The following EPB41L2 variants were observed in gnomAD, a reference collection of about 807,000 sequenced individuals.
EPB41L2 encodes erythrocyte membrane protein band 4.1 like 2, also known as band 4.1-like protein 2.
EPB41L2 carries 43 observed loss-of-function variants against 113.0 expected under a neutral mutation model. That is an observed-to-expected ratio of 0.38 (90% CI 0.30 to 0.49). The LOEUF (loss-of-function observed/expected upper bound fraction) is 0.49. EPB41L2 is among the 20% of genes least tolerant of loss of function. EPB41L2 has a pLI of 0.95. For missense variants in EPB41L2, 1,147 were observed against 1,223.4 expected (o/e 0.94, Z 0.93); for synonymous variants, 442 against 436.7 (o/e 1.01, Z -0.15).
At chr6:130,987,939 C>A (rs1780960267) in intron 1 of EPB41L2, among the ~76,000 whole-genome samples, 1 of 151,528 alleles carries the variant, frequency 6.6e-6, no homozygotes, top group Non-Finnish European at 1.5e-5. Context: ...ATGGTGAGAT[C>A]CCTATCTCTA....
At chr6:130,970,896 T>C (rs898113673) in intron 1 of EPB41L2, among the ~76,000 whole-genome samples, 1 of 152,102 alleles carries the variant, frequency 6.6e-6, no homozygotes, top group Non-Finnish European at 1.5e-5. Context: ...ATTTTCTTAC[T>C]TATTTTCAGA....
At chr6:130,963,232 T>C (rs1774071213) in intron 1 of EPB41L2, among the ~76,000 whole-genome samples, 3 of 152,206 alleles carry the variant, frequency 2.0e-5, no homozygotes, top group Non-Finnish European at 4.4e-5. Flanking sequence ...CATCTTGATG[T>C]TGACTTCTGC....
chr6:130,994,112 C>T (rs1782526477), intron 1 of EPB41L2, among the ~76,000 whole-genome samples: 1 of 106,484 alleles, frequency 9.4e-6, no homozygotes, highest in South Asian at 2.8e-4. Flanking sequence ...CAAACCAACC[C>T]AGCAGGGAGT....
At chr6:131,013,020 T>G (rs757053565) in intron 1 of EPB41L2, among the ~76,000 whole-genome samples, 22 of 152,184 alleles carry the variant, frequency 1.4e-4, no homozygotes, top group Non-Finnish European at 2.9e-4. Flanking sequence ...ATCTTCTAAC[T>G]ACATGACACC....
chr6:131,001,084 A>T (rs1784261048), intron 1 of EPB41L2, among the ~76,000 whole-genome samples: 1 of 150,488 alleles, frequency 6.6e-6, no homozygotes, highest in African/African-American at 2.4e-5. Flanking sequence ...AGTATATTCC[A>T]ACTATACAAC....
At chr6:130,865,772 A>T (rs1295422829) in intron 16 of EPB41L2, 138 bp from the exon 17 acceptor site, 1 of 829,750 alleles carries the variant, frequency 1.2e-6, no homozygotes, top group Non-Finnish European at 1.9e-6. Context: ...ACCATCCAGG[A>T]GAGCGGCTGG....
intron 1 of EPB41L2, among the ~76,000 whole-genome samples, chr6:131,033,479 A>T (rs1283847466): frequency 4.6e-5 from 7 of 152,214 alleles, no homozygotes; most frequent in African/African-American, 1.7e-4. Flanking sequence ...ACCCAAATAG[A>T]TATTTGTGCA....
At position 130,870,121 on chromosome 6, in the gene EPB41L2, T is replaced by C; in HGVS notation, c.2049A>G (p.Ser683=). ...TPLSLQTQGS[S]HETLNIVEEK... Reference sequence around the variant, plus strand: ...CCTCCACTATATTCAGAGTCTCATGTGAACTCTGTACAAAAAAAGATGGAT... The same window carrying C: ...CCTCCACTATATTCAGAGTCTCATGCGAACTCTGTACAAAAAAAGATGGAT... Residue 683 remains serine (S), a synonymous_variant, in exon 15 of 20, where the codon TCA becomes TCG. Transcript: ENST00000337057. 1 of 1,600,764 alleles carries C rather than the reference T, an allele frequency of 6.2e-7. No homozygotes were observed. The highest frequency in any genetic ancestry group is 8.5e-7 in the Non-Finnish European group (1 of 1,173,044).
At chr6:130,915,044 C>CTT in intron 4 of EPB41L2, among the ~76,000 whole-genome samples, 1 of 152,316 alleles carries the variant, frequency 6.6e-6, no homozygotes, top group African/African-American at 2.4e-5. Context: ...TGGCTCACGC[C>CTT]TGTAATCCCA....
intron 3 of EPB41L2, among the ~76,000 whole-genome samples, chr6:130,949,426 C>CT (rs1562562288): frequency 6.6e-6 from 1 of 152,118 alleles, no homozygotes; most frequent in Non-Finnish European, 1.5e-5. Flanking sequence ...CAAAGCAAGA[C>CT]TTCATCTCTA....
chr6:130,941,725 G>A (rs1810961805), intron 3 of EPB41L2, among the ~76,000 whole-genome samples: 1 of 152,160 alleles, frequency 6.6e-6, no homozygotes, highest in Non-Finnish European at 1.5e-5. Context: ...CCAGACTGAT[G>A]CACAAAATCA....
chr6:131,032,637 G>T (rs1268195585), intron 1 of EPB41L2, among the ~76,000 whole-genome samples: 1 of 151,998 alleles, frequency 6.6e-6, no homozygotes, highest in Admixed American at 6.5e-5. Flanking sequence ...AAAAAATTCT[G>T]TTTACTACAG....
At chr6:131,038,203 C>T (rs996919562) in intron 1 of EPB41L2, among the ~76,000 whole-genome samples, 10 of 152,008 alleles carry the variant, frequency 6.6e-5, no homozygotes, top group Non-Finnish European at 1.5e-4. Context: ...TAGTTATTCC[C>T]TATTCAATGC....
At position 131,062,727 on chromosome 6, in the gene EPB41L2, T is replaced by C. The variant is rs144304596; in HGVS notation, c.-15+428A>G. On this transcript the variant is annotated intron_variant, in intron 1 of 19. Coordinates refer to ENST00000337057, the MANE Select transcript of EPB41L2 (RefSeq NM_001431.4). ...GATGGAGCCGGATTTTTCCCGCTGT[T>C]GCTCCACGGGGCCCGGACGCGTGAC... is the stretch of plus-strand genomic sequence containing the variant. Among the ~76,000 whole-genome samples, 349 of 151,822 alleles carry C rather than the reference T, an allele frequency of 2.3e-3. 1 individual carries two copies. Among genetic ancestry groups the C allele is most frequent in the Non-Finnish European group, 2.7e-3 (186 of 67,834 alleles).
intron 1 of EPB41L2, among the ~76,000 whole-genome samples, chr6:131,001,446 C>CAAGTTA (rs1784366642): frequency 1.3e-5 from 2 of 152,244 alleles, no homozygotes; most frequent in Middle Eastern, 3.4e-3. Flanking sequence ...AAGTTAAGTA[C>CAAGTTA]AGCATTATAA....
At position 130,863,846 on chromosome 6, in the gene EPB41L2, A is replaced by G; in HGVS notation, c.2830-128T>C. The G allele has an allele frequency of 5.1e-6, 3 of 582,570 alleles. No individual in the cohort carries two copies. In the Admixed American group the frequency reaches 9.9e-5, roughly 19 times the overall value. 36.1% of individuals were successfully genotyped at this position (582,570 alleles called of 1,614,324 possible). On this transcript the variant is annotated intron_variant, in intron 17 of 19. Coordinates refer to ENST00000337057, the MANE Select transcript of EPB41L2 (RefSeq NM_001431.4). ...TGTAAGGCCACACACAACAAGCAGC[A>G]AAAGACTGATATTCTAGAAACACTT... is the stretch of plus-strand genomic sequence containing the variant.
At chr6:130,921,524 G>C (rs548955813) in intron 4 of EPB41L2, among the ~76,000 whole-genome samples, 3 of 152,050 alleles carry the variant, frequency 2.0e-5, no homozygotes, top group Non-Finnish European at 4.4e-5. Flanking sequence ...CCAGCCCTCC[G>C]GACAAACTTT....
At position 130,994,312 on chromosome 6, in the gene EPB41L2, A is replaced by C. The variant is rs180789902; in HGVS notation, c.-14-37813T>G. 2.8e-3 allele frequency among the ~76,000 whole-genome samples: 425 copies of C among 152,182 alleles called. 2 individuals are homozygous for C. Among genetic ancestry groups the C allele is most frequent in the African/African-American group, 9.9e-3 (413 of 41,510 alleles). ...CAAGGACAAGCTGAGACCCAGAAAA[A>C]CCACTGTTCTCACTTACCTGATCAT... On this transcript the variant is annotated intron_variant, in intron 1 of 19. Transcript: ENST00000337057.
chr6:130,947,409 C>G (rs1813313465), intron 3 of EPB41L2, among the ~76,000 whole-genome samples: 1 of 152,100 alleles, frequency 6.6e-6, no homozygotes, highest in African/African-American at 2.4e-5. Flanking sequence ...AAAGAACAAA[C>G]AATAACTACA....
Sources: gnomAD v4.1 joint callset for allele counts (sites outside exome capture counted in the v4.1 genomes callset) on GRCh38, gnomAD v4.1.1 for gene constraint, MANE v1.5 for transcripts, NCBI Gene and HGNC (gene_info 2026-07-23, HGNC 2026-07-21) for gene names.